Variants in GATAD2A observed in about 807,000 individuals in gnomAD.
The protein encoded by GATAD2A is transcriptional repressor p66-alpha.
GATAD2A carries 12 observed loss-of-function variants against 68.5 expected under a neutral mutation model. The ratio of observed to expected loss-of-function variants is 0.18; its 90% CI spans 0.11 to 0.28. GATAD2A has a LOEUF of 0.28. Ranked by LOEUF, GATAD2A falls within the 10% of genes least tolerant of loss-of-function variation. The pLI, the probability that GATAD2A is intolerant of heterozygous loss-of-function variation, is 1.00. For synonymous variants in GATAD2A, 410 were observed against 375.3 expected (o/e 1.09, Z -1.07); for missense variants, 755 against 868.5 (o/e 0.87, Z 1.64).
At chr19:19,502,671 T>C (rs892021) in intron 11 of GATAD2A, 145 bp downstream of exon 11, 244,242 of 637,556 alleles carry the variant, frequency 0.38, 50,287 homozygotes, top group African/African-American at 0.63. Context: ...GCTTTCCCTC[T>C]TGCCCCTAAC....
chr19:19,441,683 TC>T, intron 1 of GATAD2A: 1 of 175,622 alleles, frequency 5.7e-6, no homozygotes, highest in South Asian at 8.0e-5. Flanking sequence ...TGCCTCAGCC[TC>T]CCCAACAGTA....
chr19:19,407,114 AG>A (rs1487554523), intron 1 of GATAD2A, among the ~76,000 whole-genome samples: 1 of 152,222 alleles, frequency 6.6e-6, no homozygotes, highest in Non-Finnish European at 1.5e-5. Flanking sequence ...CCATTCACAC[AG>A]TGACACCTCC....
chr19:19,475,756 TCTC>T (rs1192751253), intron 2 of GATAD2A, among the ~76,000 whole-genome samples: 4 of 152,176 alleles, frequency 2.6e-5, no homozygotes, highest in African/African-American at 7.2e-5. Flanking sequence ...CCACCGTCTG[TCTC>T]CTCCTTGTTC....
chr19:19,445,626 C>G (rs551624592), intron 1 of GATAD2A, among the ~76,000 whole-genome samples: 1 of 152,328 alleles, frequency 6.6e-6, no homozygotes, highest in South Asian at 2.1e-4. Flanking sequence ...TACTTTCTGT[C>G]TCTGGGTTTG....
chr19:19,485,892 A>G lies in GATAD2A; in HGVS notation c.270-6414A>G, dbSNP rs375662191. Among the ~76,000 whole-genome samples the G allele has an allele frequency of 9.2e-5, 14 of 152,204 alleles. No homozygotes were observed. In the East Asian group the frequency reaches 2.3e-3, roughly 25 times the overall value. ...GGCTTCCAGGGTCTGTTGCTTTACA[A>G]AGACGCACGATGACACACAATTCAG... On this transcript the variant is annotated intron_variant, in intron 2 of 11. Coordinates refer to ENST00000683918, the MANE Select transcript of GATAD2A (RefSeq NM_001384528.1).
chr19:19,431,454 G>A (rs759328242), intron 1 of GATAD2A, among the ~76,000 whole-genome samples: 1 of 151,470 alleles, frequency 6.6e-6, no homozygotes, highest in Admixed American at 6.6e-5. Flanking sequence ...CCAGCACTTC[G>A]GGAGGCTGAG....
At chr19:19,456,883 C>T (rs1395362563) in intron 1 of GATAD2A, among the ~76,000 whole-genome samples, 1 of 152,168 alleles carries the variant, frequency 6.6e-6, no homozygotes, top group Non-Finnish European at 1.5e-5. Context: ...GGTTTCCCCA[C>T]CTGCAAAAAG....
chr19:19,387,490 T>C (rs938071345), intron 1 of GATAD2A, among the ~76,000 whole-genome samples: 1 of 152,038 alleles, frequency 6.6e-6, no homozygotes, highest in Non-Finnish European at 1.5e-5. Context: ...TGGCTAATTT[T>C]TGTATTTTTG....
chr19:19,466,034 G>A (rs975129775), intron 2 of GATAD2A, among the ~76,000 whole-genome samples: 2 of 152,186 alleles, frequency 1.3e-5, no homozygotes, highest in Non-Finnish European at 2.9e-5. Flanking sequence ...ACTTGGCTAG[G>A]GATAGAGTTG....
chr19:19,502,106 C>T (rs932457799), intron 10 of GATAD2A, 63 bp downstream of exon 10: 26 of 1,220,314 alleles, frequency 2.1e-5, no homozygotes, highest in African/African-American at 3.0e-5. Flanking sequence ...CCACGTCAGT[C>T]GCCGACTGTC....
rs2050174545 is a variant in GATAD2A at position 19,405,936 on chromosome 19, C to T, written c.-90C>T. 6.8e-6 allele frequency: 1 copy of T among 147,412 alleles called. No homozygotes were observed. Among genetic ancestry groups the T allele is most frequent in the Admixed American group, 6.7e-5 (1 of 14,838 alleles). 9.1% of individuals were successfully genotyped at this position (147,412 alleles called of 1,614,324 possible). Reference sequence around the variant, plus strand: ...CGCGGCCCGGCGTCCCCGGCCCCTCCGCCGCCCGGCCCCGCGGGCGACCCC... The same window carrying T: ...CGCGGCCCGGCGTCCCCGGCCCCTCTGCCGCCCGGCCCCGCGGGCGACCCC... On this transcript the variant is annotated 5_prime_UTR_variant, in exon 1 of 12. Coordinates refer to ENST00000683918, the MANE Select transcript of GATAD2A (RefSeq NM_001384528.1).
chr19:19,471,080 AC>A (rs957854370), intron 2 of GATAD2A, among the ~76,000 whole-genome samples: 25 of 152,132 alleles, frequency 1.6e-4, no homozygotes, highest in African/African-American at 4.6e-4. Flanking sequence ...ACATGGTGAA[AC>A]CCCGTCTCCA....
intron 1 of GATAD2A, among the ~76,000 whole-genome samples, chr19:19,407,267 C>T (rs951447938): frequency 5.3e-5 from 8 of 152,206 alleles, no homozygotes; most frequent in Non-Finnish European, 1.5e-5. Flanking sequence ...TGTTTGTTGG[C>T]ACCAGTTTGT....
At chr19:19,417,044 G>A (rs966940139) in intron 1 of GATAD2A, among the ~76,000 whole-genome samples, 1 of 152,182 alleles carries the variant, frequency 6.6e-6, no homozygotes, top group South Asian at 2.1e-4. Flanking sequence ...TTACAGGTGT[G>A]AGCCACCGTG....
At chr19:19,501,899 G>T (rs2060550139) in intron 9 of GATAD2A, 70 bp from the exon 10 acceptor site, 3 of 1,213,920 alleles carry the variant, frequency 2.5e-6, no homozygotes, top group Non-Finnish European at 3.7e-6. Context: ...GTCCTGTGGG[G>T]CTCACCCTCG....
chr19:19,444,727 C>G (rs1195648626), intron 1 of GATAD2A, among the ~76,000 whole-genome samples: 1 of 151,904 alleles, frequency 6.6e-6, no homozygotes. Flanking sequence ...AAAAATTAGC[C>G]AGGTGTGGTG....
chr19:19,504,194 A>AC, intron 11 of GATAD2A, among the ~76,000 whole-genome samples: 1 of 152,132 alleles, frequency 6.6e-6, no homozygotes, highest in Non-Finnish European at 1.5e-5. Flanking sequence ...CAAGAGTGAG[A>AC]CCCCATCTCA....
chr19:19,419,052 C>T (rs1031137602), intron 1 of GATAD2A, among the ~76,000 whole-genome samples: 3 of 152,150 alleles, frequency 2.0e-5, no homozygotes, highest in African/African-American at 7.2e-5. Context: ...GGCCTGTACC[C>T]TCCACCATCC....
In GATAD2A at chr19:19,492,583, A is replaced by G. The variant is rs372588107; in HGVS notation, c.405A>G (p.Lys135=). 2.3e-5 allele frequency: 37 copies of G among 1,614,242 alleles called. No homozygotes were observed. In the East Asian group the frequency reaches 6.9e-4, roughly 30 times the overall value. The change falls in exon 4 of 12, where the codon AAA becomes AAG. Residue 135 remains lysine (K), a splice_region_variant and synonymous_variant. Coordinates refer to ENST00000683918, the MANE Select transcript of GATAD2A (RefSeq NM_001384528.1). The part of the protein sequence containing the change: ...LKETSTEALM[K]SSPEERERMI... ...CCCTGTTCCTCTCGCCCCTGCAGAA[A>G]AGCAGTCCTGAAGAACGAGAAAGGA...
Sources: gnomAD v4.1 joint callset for allele counts (sites outside exome capture counted in the v4.1 genomes callset) on GRCh38, gnomAD v4.1.1 for gene constraint, MANE v1.5 for transcripts, NCBI Gene and HGNC (gene_info 2026-07-23, HGNC 2026-07-21) for gene names.